WNK1: variants seen among roughly 807,000 people sequenced by gnomAD.
The protein encoded by WNK1 is serine/threonine-protein kinase WNK1.
A neutral mutation model predicts 222.8 loss-of-function variants in WNK1; 38 were observed. The observed-to-expected ratio is 0.17, with a 90% confidence interval of 0.13 to 0.22. WNK1 has a LOEUF of 0.22. Among genes scored for constraint, WNK1 ranks in the 10% least tolerant of loss-of-function variants. WNK1 has a pLI of 1.00. For synonymous variants in WNK1, 1,090 were observed against 1,092.9 expected, an observed-to-expected ratio of 1.00 and a Z score of 0.05; for missense variants, 2,348 against 2,918.4, an observed-to-expected ratio of 0.80 and a Z score of 4.50.
At chr12:843,291 G>A (rs1949769567) in intron 4 of WNK1, among the ~76,000 whole-genome samples, 1 of 152,126 alleles carries the variant, frequency 6.6e-6, no homozygotes, top group South Asian at 2.1e-4. Context: ...ACTCTTTAAA[G>A]TTATTGAGGA....
chr12:776,568 C>G (rs1591645871), intron 1 of WNK1, among the ~76,000 whole-genome samples: 1 of 151,868 alleles, frequency 6.6e-6, no homozygotes, highest in African/African-American at 2.4e-5. Context: ...GTAGCTGGGA[C>G]TACAGGTGCG....
chr12:904,092 G>A (rs1210032709), intron 26 of WNK1, among the ~76,000 whole-genome samples: 1 of 152,220 alleles, frequency 6.6e-6, no homozygotes, highest in Admixed American at 6.5e-5. Context: ...AAGTGGGACA[G>A]GATCAGTGGA....
chr12:833,858 T>C (rs1353384233), intron 4 of WNK1, among the ~76,000 whole-genome samples: 1 of 152,204 alleles, frequency 6.6e-6, no homozygotes, highest in African/African-American at 2.4e-5. Flanking sequence ...CCCTGCTATG[T>C]CCCATGCCCA....
intron 1 of WNK1, among the ~76,000 whole-genome samples, chr12:768,163 C>T (rs75441721): frequency 0.014 from 2,115 of 152,272 alleles, 52 homozygotes; most frequent in African/African-American, 0.048. Context: ...CAGAGTCTCT[C>T]TCTGTCCAGG....
At chr12:823,389 T>C (rs2107615) in intron 2 of WNK1, among the ~76,000 whole-genome samples, 6,297 of 152,292 alleles carry the variant, frequency 0.041, 249 homozygotes, top group Admixed American at 0.11. Flanking sequence ...CTGTCTTCTT[T>C]ATCTAGGACT....
chr12:908,852 TGGGGGTGGGA>T lies in WNK1; in HGVS notation c.*61_*70del, dbSNP rs1166995781. ...GGAGATGGAATGCTGAGGGGGTGGG[TGGGGGTGGGA>T]AGTAGCCTATATACTAACTACTAGT... On this transcript the variant is annotated 3_prime_UTR_variant, in exon 28 of 28. Transcript: ENST00000315939. The T allele has an allele frequency of 4.2e-6, 1 of 237,436 alleles. No homozygotes were observed. The highest frequency in any genetic ancestry group is 8.6e-6 in the Non-Finnish European group (1 of 116,576). 14.7% of individuals were successfully genotyped at this position (237,436 alleles called of 1,614,324 possible).
In WNK1 at chr12:894,652, G is replaced by C. The variant is rs758490561; in HGVS notation, c.5583+17G>C. The C allele has an allele frequency of 6.2e-7, 1 of 1,611,796 alleles. No individual in the cohort carries two copies. The highest frequency in any genetic ancestry group is 8.5e-7 in the Non-Finnish European group (1 of 1,177,898). On this transcript the variant is annotated intron_variant, in intron 23 of 27. Transcript: ENST00000315939. ...CGATTTCAGGTAAGACAGTCACTTT[G>C]TGTTGCCTTGATTCCTTCCTTTGGA...
At chr12:794,021 T>G (rs1368113404) in intron 1 of WNK1, among the ~76,000 whole-genome samples, 1 of 152,208 alleles carries the variant, frequency 6.6e-6, no homozygotes, top group East Asian at 1.9e-4. Context: ...TAATATGTGA[T>G]CTCTTGTGAC....
intron 2 of WNK1, among the ~76,000 whole-genome samples, chr12:823,121 C>T (rs11064554): frequency 6.6e-6 from 1 of 152,068 alleles, no homozygotes; most frequent in Non-Finnish European, 1.5e-5. Flanking sequence ...GCTTTCTGCC[C>T]TCTATGGTTT....
At chr12:767,348 A>G (rs1276104316) in intron 1 of WNK1, among the ~76,000 whole-genome samples, 2 of 137,992 alleles carry the variant, frequency 1.4e-5, no homozygotes, top group East Asian at 4.4e-4. Flanking sequence ...CGCCTCCCGG[A>G]TTCAAGCAAT....
chr12:788,742 C>G (rs2153977703), intron 1 of WNK1, among the ~76,000 whole-genome samples: 1 of 152,096 alleles, frequency 6.6e-6, no homozygotes, highest in East Asian at 1.9e-4. Context: ...TAAAAATTAG[C>G]CGGGCGTGGT....
chr12:828,048 A>G (rs1948496118), intron 3 of WNK1, among the ~76,000 whole-genome samples: 1 of 151,986 alleles, frequency 6.6e-6, no homozygotes, highest in Non-Finnish European at 1.5e-5. Flanking sequence ...CTGTAATCCC[A>G]GCACTTTGGG....
chr12:862,938 A>G (rs532205627), intron 8 of WNK1, among the ~76,000 whole-genome samples: 7 of 152,228 alleles, frequency 4.6e-5, no homozygotes, highest in African/African-American at 7.2e-5. Context: ...TTATGCTTGT[A>G]TACACATACA....
At chr12:826,340 T>C (rs1370805585) in intron 2 of WNK1, among the ~76,000 whole-genome samples, 1 of 152,186 alleles carries the variant, frequency 6.6e-6, no homozygotes, top group African/African-American at 2.4e-5. Flanking sequence ...TGCAGAAAGG[T>C]CTGTTAGACA....
intron 4 of WNK1, among the ~76,000 whole-genome samples, chr12:853,879 A>C (rs1425374544): frequency 6.6e-6 from 1 of 151,912 alleles, no homozygotes; most frequent in Non-Finnish European, 1.5e-5. Flanking sequence ...CCTCCTGAGT[A>C]GGTGGACCTA....
chr12:810,450 A>G (rs1324121184), intron 1 of WNK1, among the ~76,000 whole-genome samples: 1 of 152,202 alleles, frequency 6.6e-6, no homozygotes, highest in Non-Finnish European at 1.5e-5. Context: ...CACATATATA[A>G]TACTAGAGAA....
At chr12:782,885 A>G (rs544068697) in intron 1 of WNK1, among the ~76,000 whole-genome samples, 1 of 151,790 alleles carries the variant, frequency 6.6e-6, no homozygotes, top group East Asian at 1.9e-4. Flanking sequence ...AACCCAATAT[A>G]TATCCAAACA....
intron 26 of WNK1, among the ~76,000 whole-genome samples, chr12:905,294 A>G (rs2154101698): frequency 6.6e-6 from 1 of 152,292 alleles, no homozygotes; most frequent in African/African-American, 2.4e-5. Flanking sequence ...TCATTCTTTA[A>G]TGGGAGGCCT....
At position 820,691 on chromosome 12, in the gene WNK1, TCACAAATTC is replaced by T. The variant is rs1218814727; in HGVS notation, c.933-6349_933-6341del. Among the ~76,000 whole-genome samples the T allele has an allele frequency of 2.0e-5, 3 of 152,086 alleles. No homozygotes were observed. The East Asian group carries it at 5.8e-4, about 29-fold the overall frequency. ...GGTCTCAATATATTGCTTATGGTAG[TCACAAATTC>T]CTGGCCTCAAGTGATCTCCCTTGCC... On this transcript the variant is annotated intron_variant, in intron 2 of 27. Coordinates refer to ENST00000315939, the MANE Select transcript of WNK1 (RefSeq NM_018979.4).
Sources: allele counts gnomAD v4.1 joint callset (sites outside exome capture counted in the v4.1 genomes callset), GRCh38; gene constraint gnomAD v4.1.1; transcripts MANE v1.5; gene names NCBI Gene and HGNC (gene_info 2026-07-23, HGNC 2026-07-21).